The following CD109 variants were observed in gnomAD, a reference collection of about 807,000 sequenced individuals.
CD109 encodes CD109 molecule.
In CD109, 149 loss-of-function variants were observed where a neutral mutation model predicts 165.8. That is an observed-to-expected ratio of 0.90 (90% confidence interval 0.79 to 1.03). CD109 has a LOEUF of 1.03. Ranked by LOEUF, CD109 falls within the 50% of genes least tolerant of loss-of-function variation. CD109 has a pLI of 0.00. For missense variants in CD109, 1,712 were observed against 1,677.8 expected (o/e 1.02, Z -0.36); for synonymous variants, 585 against 592.1 (o/e 0.99, Z 0.18).
the CD109 span, among the ~76,000 whole-genome samples, chr6:73,680,069 T>C: frequency 6.6e-6 from 1 of 152,192 alleles, no homozygotes; most frequent in Non-Finnish European, 1.5e-5. Flanking sequence ...GGCAGGTAAC[T>C]TAAGAATGTA....
rs145715916 is a variant in CD109, at chr6:73,791,648, T to C, written c.2702-978T>C. On this transcript the variant is annotated intron_variant, in intron 22 of 32. Coordinates refer to ENST00000287097, the MANE Select transcript of CD109 (RefSeq NM_133493.5). ...ATTTTTACATGTTGTTTTAAAGACCTATTTTGTATCCCAGAATGTACGAAT... is the reference window on the plus strand; with the variant it reads ...ATTTTTACATGTTGTTTTAAAGACCCATTTTGTATCCCAGAATGTACGAAT... Among the ~76,000 whole-genome samples, 707 of 152,320 alleles carry C rather than the reference T, an allele frequency of 4.6e-3. 6 individuals are homozygous for C. Among genetic ancestry groups the C allele is most frequent in the South Asian group, 0.03 (144 of 4,830 alleles).
intron 14 of CD109, among the ~76,000 whole-genome samples, chr6:73,770,246 A>G (rs1176854597): frequency 6.6e-6 from 1 of 152,248 alleles, no homozygotes; most frequent in Non-Finnish European, 1.5e-5. Context: ...AAAGATTTAC[A>G]TCTCAGAGAG....
In CD109 at chr6:73,823,534, C is replaced by G. The variant is rs747296617; in HGVS notation, c.4239C>G (p.Cys1413Trp). 6.2e-7 allele frequency: 1 copy of G among 1,613,840 alleles called. No individual in the cohort carries two copies. Among genetic ancestry groups the G allele is most frequent in the Non-Finnish European group, 8.5e-7 (1 of 1,179,952 alleles). Residue 1413 changes from cysteine (C) to tryptophan (W), a missense_variant, in exon 33 of 33, where the codon TGC (cysteine) becomes TGG (tryptophan). Physicochemically the swap from Cys to Trp is radical, Grantham distance 215. Coordinates refer to ENST00000287097, the MANE Select transcript of CD109 (RefSeq NM_133493.5). Reference protein sequence around the residue: ...SCDLCSDVQGCRPCEDGASGS... With the variant: ...SCDLCSDVQGWRPCEDGASGS... ...ACCTTTGCAGTGATGTCCAGGGCTG[C>G]CGTCCTTGTGAGGATGGAGCTTCAG...
chr6:73,703,765 G>A (rs1278959227), intron 2 of CD109, among the ~76,000 whole-genome samples: 2 of 152,046 alleles, frequency 1.3e-5, no homozygotes, highest in African/African-American at 4.8e-5. Flanking sequence ...CTGTATAAGG[G>A]GTGGGGGCTG....
At chr6:73,755,794 A>G (rs1019442824) in intron 5 of CD109, among the ~76,000 whole-genome samples, 4 of 133,044 alleles carry the variant, frequency 3.0e-5, no homozygotes, top group Non-Finnish European at 6.5e-5. Flanking sequence ...ATCCTGTTCT[A>G]CTTAAAAAAA....
At chr6:73,734,937 A>C (rs1772490480) in intron 4 of CD109, among the ~76,000 whole-genome samples, 1 of 152,208 alleles carries the variant, frequency 6.6e-6, no homozygotes, top group South Asian at 2.1e-4. Context: ...TGTATTCAAG[A>C]GAGATAAACT....
intron 5 of CD109, among the ~76,000 whole-genome samples, chr6:73,753,777 G>T (rs568562005): frequency 2.0e-5 from 3 of 152,324 alleles, no homozygotes; most frequent in South Asian, 2.1e-4. Context: ...TGCCTCTTCA[G>T]GGTTGTTTGA....
At chr6:73,805,910 A>T (rs981302687) in intron 24 of CD109, among the ~76,000 whole-genome samples, 39 of 152,206 alleles carry the variant, frequency 2.6e-4, no homozygotes, top group Non-Finnish European at 1.0e-4. Flanking sequence ...TTTTCTTAGT[A>T]CAGAACAAAA....
In CD109 at chr6:73,818,387, G is replaced by A. The variant is rs781024504; in HGVS notation, c.3912-1G>A. On this transcript the variant is annotated splice_acceptor_variant, in intron 30 of 32. Coordinates refer to ENST00000287097, the MANE Select transcript of CD109 (RefSeq NM_133493.5). LOFTEE classifies it high-confidence loss of function. The stretch of plus-strand genomic sequence containing the variant: ...TCATTCATCCTCCCTCTTTGATTTA[G>A]CTTTTCGGGCCCGGGTAGGAGTGGC... 1 of 1,613,678 alleles carries A rather than the reference G, an allele frequency of 6.2e-7. No individual in the cohort carries two copies. Among genetic ancestry groups the A allele is most frequent in the South Asian group, 1.1e-5 (1 of 91,060 alleles).
intron 2 of CD109, among the ~76,000 whole-genome samples, chr6:73,704,213 T>C (rs1025092739): frequency 2.0e-5 from 3 of 151,704 alleles, no homozygotes; most frequent in African/African-American, 7.3e-5. Context: ...CTAACCTTTA[T>C]GTTCCACCAT....
At chr6:73,686,691 T>G in the CD109 span, among the ~76,000 whole-genome samples, 19 of 152,154 alleles carry the variant, frequency 1.2e-4, no homozygotes, top group Non-Finnish European at 2.5e-4. Context: ...ATCAGTCCTC[T>G]CTCTTTCTTT....
intron 26 of CD109, among the ~76,000 whole-genome samples, 187 bp from the exon 27 acceptor site, chr6:73,809,797 A>G (rs1775688455): frequency 6.6e-6 from 1 of 152,162 alleles, no homozygotes; most frequent in African/African-American, 2.4e-5. Flanking sequence ...AGGCACATGT[A>G]TACATATGTA....
In CD109 at chr6:73,791,289, C is replaced by T. The variant is rs182340481; in HGVS notation, c.2702-1337C>T. Among the ~76,000 whole-genome samples the T allele has an allele frequency of 6.7e-4, 94 of 140,372 alleles. 1 individual carries two copies. Among genetic ancestry groups the T allele is most frequent in the Non-Finnish European group, 1.1e-3 (72 of 65,322 alleles). 92.1% of individuals were successfully genotyped at this position (140,372 alleles called of 152,430 possible). ...GGCTGGACTTGAACTTCTTGAACTT[C>T]TGAGCTCATGTAGTCCTCCTGCATC... On this transcript the variant is annotated intron_variant, in intron 22 of 32. Transcript: ENST00000287097.
chr6:73,750,290 T>C (rs746868323), intron 5 of CD109, among the ~76,000 whole-genome samples: 2 of 152,130 alleles, frequency 1.3e-5, no homozygotes, highest in Non-Finnish European at 2.9e-5. Context: ...ATGAGCTAGA[T>C]GTATTTGGAC....
intron 5 of CD109, among the ~76,000 whole-genome samples, chr6:73,753,073 A>G (rs570439529): frequency 6.7e-6 from 1 of 149,272 alleles, no homozygotes; most frequent in African/African-American, 2.6e-5. Flanking sequence ...CCCTGGCAGA[A>G]AAACCAAATG....
Position 73,814,966 on chromosome 6 carries a change from G to A in CD109, c.3769-15G>A. 6.8e-7 allele frequency: 1 copy of A among 1,469,540 alleles called. No individual in the cohort carries two copies. Among genetic ancestry groups the A allele is most frequent in the Non-Finnish European group, 9.0e-7 (1 of 1,116,694 alleles). The allele number at this position is 1,469,540 out of a possible 1,614,324, so 91.0% of individuals were successfully genotyped here. ...TATGTCCAACTTGTTATTTATGCTA[G>A]TTTATTTTTTACAGCTCAATGTTGT... On this transcript the variant is annotated splice_polypyrimidine_tract_variant and intron_variant, in intron 29 of 32. Transcript: ENST00000287097.
intron 29 of CD109, 34 bp downstream of exon 29, chr6:73,812,304 A>G: frequency 7.6e-7 from 1 of 1,323,738 alleles, no homozygotes; most frequent in Non-Finnish European, 1.1e-6. Flanking sequence ...TAAGTTAAAT[A>G]TGACTTTTTA....
At chr6:73,820,423 G>C in intron 31 of CD109, 38 bp from the exon 32 acceptor site, 1 of 1,143,924 alleles carries the variant, frequency 8.7e-7, no homozygotes, top group Non-Finnish European at 1.3e-6. Context: ...TGAACACACA[G>C]TGTGCCAACC....
At chr6:73,694,998 G>A (rs1770770391), upstream of CD109, 1 of 152,248 alleles carries the variant, frequency 6.6e-6, no homozygotes, top group African/African-American at 2.4e-5. Flanking sequence ...ACAGGAAAGG[G>A]AGGAAAGCAA....
Sources: gnomAD v4.1 joint callset for allele counts (sites outside exome capture counted in the v4.1 genomes callset) on GRCh38, gnomAD v4.1.1 for gene constraint, MANE v1.5 for transcripts, NCBI Gene and HGNC (gene_info 2026-07-23, HGNC 2026-07-21) for gene names.